FER1L5: variants seen among roughly 807,000 people sequenced by gnomAD.
The protein encoded by FER1L5 is fer-1 like family member 5.
Under a neutral mutation model 279.9 loss-of-function variants are expected in FER1L5, and 187 were observed. The ratio of observed to expected loss-of-function variants is 0.67; its 90% CI spans 0.59 to 0.75. The LOEUF (loss-of-function observed/expected upper bound fraction) is 0.75, where lower values mean the gene tolerates loss of function less well. Among genes scored for constraint, FER1L5 ranks in the 30% least tolerant of loss-of-function variants. The probability of loss-of-function intolerance (pLI) is 0.00; values close to 1 mark genes in which losing one functional copy is unlikely to be tolerated. For missense variants in FER1L5, 2,091 were observed against 2,594.4 expected (o/e 0.81, Z 4.21); for synonymous variants, 921 against 989.7 (o/e 0.93, Z 1.30).
intron 5 of FER1L5, 29 bp from the exon 6 acceptor site, chr2:96,650,151 T>C (rs750526466): frequency 9.1e-6 from 14 of 1,533,696 alleles, no homozygotes; most frequent in Middle Eastern, 1.7e-4. Flanking sequence ...CCCAGGCCTC[T>C]GACCCCACCC....
At chr2:96,700,257 AG>A in intron 44 of FER1L5, 74 bp from the exon 45 acceptor site, 1 of 1,595,822 alleles carries the variant, frequency 6.3e-7, no homozygotes, top group South Asian at 1.1e-5. Context: ...TGCGGTCGGG[AG>A]GGTAAGAGCC....
chr2:96,668,664 C>G (rs535389607), intron 14 of FER1L5, 87 bp from the exon 15 acceptor site: 55 of 1,477,004 alleles, frequency 3.7e-5, no homozygotes, highest in Non-Finnish European at 4.5e-5. Context: ...CTCCCAGACC[C>G]GCGACTCCCT....
intron 22 of FER1L5, 38 bp from the exon 23 acceptor site, chr2:96,686,157 C>G (rs1258025353): frequency 3.2e-6 from 5 of 1,546,320 alleles, no homozygotes; most frequent in Non-Finnish European, 4.4e-6. Context: ...GGGCTGGGAG[C>G]CAGCCGCGCA....
intron 9 of FER1L5, among the ~76,000 whole-genome samples, chr2:96,659,331 T>TTCCTTCCTTCCG (rs1558853020): frequency 1.3e-5 from 1 of 79,634 alleles, no homozygotes; most frequent in African/African-American, 4.9e-5. Context: ...CCTTCCTTCC[T>TTCCTTCCTTCCG]TCCTTCCTTC....
At position 96,687,832 on chromosome 2, in the gene FER1L5, G is replaced by T; in HGVS notation, c.2246G>T (p.Gly749Val). 1 of 1,551,222 alleles carries T rather than the reference G, an allele frequency of 6.4e-7. No individual in the cohort carries two copies. Among genetic ancestry groups the T allele is most frequent in the Non-Finnish European group, 8.7e-7 (1 of 1,146,968 alleles). ...CTGGCTCAGTACCCAGAGGGTGAAGGACAGAAGGATGTGCTCCCAGCTCAC... is the reference window on the plus strand; with the variant it reads ...CTGGCTCAGTACCCAGAGGGTGAAGTACAGAAGGATGTGCTCCCAGCTCAC... ...TLFLQYPEGE[G>V]QKDVLPAHLR... The change falls in exon 24 of 53, where the codon GGA becomes GTA. Residue 749 changes from glycine to valine, a missense_variant. Physicochemically the swap from Gly to Val is moderately radical, Grantham distance 109. Transcript: ENST00000624922.
At position 96,654,536 on chromosome 2, in the gene FER1L5, A is replaced by G. The variant is rs2075516903; in HGVS notation, c.747+40A>G. 5 of 398,888 alleles carry G rather than the reference A, an allele frequency of 1.3e-5. No homozygotes were observed. In the Admixed American group the frequency reaches 2.2e-4, roughly 18 times the overall value. The allele number at this position is 398,888 out of a possible 1,614,324, so 24.7% of individuals were successfully genotyped here. On this transcript the variant is annotated intron_variant, in intron 9 of 52. Coordinates refer to ENST00000624922, the MANE Select transcript of FER1L5 (RefSeq NM_001293083.2). ...TGGGAGGAGGTTCAGTGAAACAGTT[A>G]TTAAAACAGAGACCCATGCTGGGCT...
In FER1L5 at chr2:96,669,145, T is replaced by A; in HGVS notation, c.1362+8T>A. 1 of 1,551,086 alleles carries A rather than the reference T, an allele frequency of 6.4e-7. No individual in the cohort carries two copies. Among genetic ancestry groups the A allele is most frequent in the Non-Finnish European group, 8.7e-7 (1 of 1,146,764 alleles). ...ATCCAGGAAGAAGGCGCTGTAAGCT[T>A]CTCACATCAGCTCTAGGGTACAGTG... On this transcript the variant is annotated splice_region_variant and intron_variant, in intron 17 of 52. Coordinates refer to ENST00000624922, the MANE Select transcript of FER1L5 (RefSeq NM_001293083.2).
At chr2:96,649,532 G>A in intron 4 of FER1L5, 91 bp from the exon 5 acceptor site, 2 of 1,276,574 alleles carry the variant, frequency 1.6e-6, no homozygotes, top group East Asian at 2.5e-5. Context: ...AGGAGGACCA[G>A]GTGTGAACCC....
chr2:96,651,237 CTCTTTCTTTCTTTCTTTCTT>C (rs70964882), intron 6 of FER1L5, among the ~76,000 whole-genome samples: 3,239 of 128,610 alleles, frequency 0.025, 36 homozygotes, highest in Non-Finnish European at 0.027. Context: ...TTCTTTCTTT[CTCTTTCTTTCTTTCTTTCTT>C]TCTTTCTTTC....
rs1558855546 is a variant in FER1L5, at chr2:96,659,485, CTTTCTTTCTTTCTTTCTTTCTTTCG to C, written c.748-855_748-831del. Among the ~76,000 whole-genome samples, 22 of 34,034 alleles carry C rather than the reference CTTTCTTTCTTTCTTTCTTTCTTTCG, an allele frequency of 6.5e-4. 5 individuals are homozygous for C. The highest frequency in any genetic ancestry group is 5.5e-3 in the African/African-American group (21 of 3,786). The allele number at this position is 34,034 out of a possible 152,430, so 22.3% of individuals were successfully genotyped here. A position where few individuals can be genotyped will look rare whatever the true frequency, so the allele number is the denominator to read the frequency against. On this transcript the variant is annotated intron_variant, in intron 9 of 52. Transcript: ENST00000624922. ...TCTTTCTTTCTTTCTTTCTTTCTTT[CTTTCTTTCTTTCTTTCTTTCTTTCG>C]AGACAGAGTCTCGCTCTGTCGCCCA...
At position 96,689,978 on chromosome 2, in the gene FER1L5, G is replaced by C. The variant is rs945250102; in HGVS notation, c.2640+220G>C. 6.6e-6 allele frequency among the ~76,000 whole-genome samples: 1 copy of C among 152,170 alleles called. No homozygotes were observed. The highest frequency in any genetic ancestry group is 1.5e-5 in the Non-Finnish European group (1 of 68,026). ...TAAATAAGACTGAGAAACAACAAAA[G>C]GGAGGCAATGTTTCTTCCTAGGCCT... On this transcript the variant is annotated intron_variant, in intron 26 of 52. Transcript: ENST00000624922. This position sits in a 1 kb window ranked among gnomAD's most constrained non-coding sequence, Gnocchi z 4.6.
intron 31 of FER1L5, among the ~76,000 whole-genome samples, chr2:96,692,547 G>A (rs1053876798): frequency 1.3e-5 from 2 of 152,248 alleles, no homozygotes; most frequent in African/African-American, 4.8e-5. Flanking sequence ...TGGCCACTTA[G>A]CTGGGCATGG....
intron 9 of FER1L5, among the ~76,000 whole-genome samples, chr2:96,658,197 T>C (rs1052579713): frequency 1.3e-5 from 2 of 151,604 alleles, no homozygotes; most frequent in Non-Finnish European, 2.9e-5. Context: ...TTCGTATTTT[T>C]AGTAGAGACA....
Position 96,673,163 on chromosome 2 carries a change from C to T in FER1L5, c.1578C>T (p.Phe526=), listed in dbSNP as rs1270414889. 9.0e-6 allele frequency: 14 copies of T among 1,551,390 alleles called. No homozygotes were observed. The South Asian group carries it at 1.3e-4, about 15-fold the overall frequency. ...MMPNFKELIH[F]EVSIGHYGNK... Reference sequence around the variant, plus strand: ...CCAACTTTAAAGAGCTGATCCATTTCGAGGTCAGCATCGGTCACTATGGGA... The same window carrying T: ...CCAACTTTAAAGAGCTGATCCATTTTGAGGTCAGCATCGGTCACTATGGGA... Residue 526 remains phenylalanine (F), a synonymous_variant, in exon 19 of 53, where the codon TTC becomes TTT. Transcript: ENST00000624922.
Position 96,670,234 on chromosome 2 carries a change from T to C in FER1L5, c.1478T>C (p.Val493Ala), listed in dbSNP as rs2076273298. ...DSTIKDLSHE[V>A]TRIEKHQNRQ... ...ACGATAAAGGATCTCTCCCATGAAG[T>C]GACCAGGATAGAGGTAACTGCGGGA... The change falls in exon 18 of 53, where the codon GTG becomes GCG. Residue 493 changes from valine (V) to alanine (A), a missense_variant. Val to Ala is a moderately conservative substitution (Grantham distance 64, BLOSUM62 0). Coordinates refer to ENST00000624922, the MANE Select transcript of FER1L5 (RefSeq NM_001293083.2). The C allele has an allele frequency of 1.3e-6, 2 of 1,551,378 alleles. No homozygotes were observed. Among genetic ancestry groups the C allele is most frequent in the Non-Finnish European group, 1.7e-6 (2 of 1,146,814 alleles).
intron 45 of FER1L5, among the ~76,000 whole-genome samples, chr2:96,701,495 G>A (rs1280531706): frequency 2.6e-5 from 4 of 151,842 alleles, no homozygotes; most frequent in African/African-American, 7.3e-5. Flanking sequence ...CTCTGTATGT[G>A]TGGCTAGCTT....
intron 14 of FER1L5, 117 bp from the exon 15 acceptor site, chr2:96,668,634 G>T: frequency 8.3e-7 from 1 of 1,206,342 alleles, no homozygotes. Flanking sequence ...GTGGCTCACT[G>T]GTAACTGAGC....
intron 19 of FER1L5, among the ~76,000 whole-genome samples, chr2:96,680,412 A>G (rs1210503560): frequency 6.6e-6 from 1 of 151,846 alleles, no homozygotes; most frequent in East Asian, 1.9e-4. Context: ...TCCTTCCGGA[A>G]CTCACTCTGT....
intron 1 of FER1L5, among the ~76,000 whole-genome samples, chr2:96,645,151 G>C (rs866082840): frequency 1.3e-5 from 2 of 152,076 alleles, no homozygotes; most frequent in Non-Finnish European, 2.9e-5. Context: ...TCTTCGTTAG[G>C]GTACACTGGG....
Sources: gnomAD v4.1 joint callset for allele counts (sites outside exome capture counted in the v4.1 genomes callset) on GRCh38, gnomAD v4.1.1 for gene constraint, Gnocchi (gnomAD v3.1) non-coding constraint, MANE v1.5 for transcripts, NCBI Gene and HGNC (gene_info 2026-07-23, HGNC 2026-07-21) for gene names.